IGSF5: variants seen among roughly 807,000 people sequenced by gnomAD.
IGSF5 encodes the protein immunoglobulin superfamily 5 like.
Under a neutral mutation model 39.4 loss-of-function variants are expected in IGSF5, and 41 were observed. The ratio of observed to expected loss-of-function variants is 1.04; its 90% CI spans 0.81 to 1.35. The LOEUF is 1.35. Among genes scored for constraint, IGSF5 ranks in the 40% most tolerant of loss-of-function variants. The probability of loss-of-function intolerance (pLI) is 0.00; values close to 1 mark genes in which losing one functional copy is unlikely to be tolerated. For synonymous variants in IGSF5, 183 were observed against 175.3 expected, an observed-to-expected ratio of 1.04 and a Z score of -0.34; for missense variants, 487 against 494.6, an observed-to-expected ratio of 0.98 and a Z score of 0.15.
chr21:39,776,140 C>G (rs1285822877), intron 4 of IGSF5, among the ~76,000 whole-genome samples: 1 of 151,938 alleles, frequency 6.6e-6, no homozygotes, highest in Admixed American at 6.6e-5. Flanking sequence ...TAAATGCACT[C>G]TTTTTAAAAA....
At chr21:39,722,961 A>ATTATT in the IGSF5 span, among the ~76,000 whole-genome samples, 1 of 152,266 alleles carries the variant, frequency 6.6e-6, no homozygotes, top group Non-Finnish European at 1.5e-5. Context: ...GGTAGATAGT[A>ATTATT]TTATTAACCT....
At chr21:39,776,675 GCT>G (rs1299855387) in intron 4 of IGSF5, among the ~76,000 whole-genome samples, 1 of 152,128 alleles carries the variant, frequency 6.6e-6, no homozygotes, top group Non-Finnish European at 1.5e-5. Flanking sequence ...ATTAAGGCAG[GCT>G]CTCTCTGGGC....
chr21:39,742,324 A>G (rs1428866023), upstream of IGSF5, among the ~76,000 whole-genome samples: 1 of 152,236 alleles, frequency 6.6e-6, no homozygotes, highest in Non-Finnish European at 1.5e-5. Flanking sequence ...TGGAAGAAGT[A>G]TCTAGTGACT....
the IGSF5 span, among the ~76,000 whole-genome samples, chr21:39,739,864 C>T: frequency 1.3e-3 from 191 of 152,206 alleles, 1 homozygote; most frequent in African/African-American, 4.5e-3. Context: ...ACAAACTTAA[C>T]AAGGAGGTTA....
At chr21:39,784,073 C>T (rs1405729032) in intron 5 of IGSF5, among the ~76,000 whole-genome samples, 1 of 152,182 alleles carries the variant, frequency 6.6e-6, no homozygotes, top group Admixed American at 6.5e-5. Flanking sequence ...TCTGGGTTCT[C>T]AGTATTGTTC....
intron 5 of IGSF5, among the ~76,000 whole-genome samples, chr21:39,781,381 A>G (rs1028910485): frequency 6.6e-6 from 1 of 152,158 alleles, no homozygotes; most frequent in Non-Finnish European, 1.5e-5. Flanking sequence ...CCATTCTCCA[A>G]TATATAAGCA....
At chr21:39,714,462 G>T in the IGSF5 span, among the ~76,000 whole-genome samples, 1 of 152,168 alleles carries the variant, frequency 6.6e-6, no homozygotes, top group Non-Finnish European at 1.5e-5. Context: ...TCTATACATG[G>T]TGTATTTGTT....
rs750194049 is a variant in IGSF5, at chr21:39,771,081, A to G, written c.584A>G (p.Asp195Gly). 2.5e-6 allele frequency: 4 copies of G among 1,613,540 alleles called. No individual in the cohort carries two copies. The highest frequency in any genetic ancestry group is 3.4e-6 in the Non-Finnish European group (4 of 1,179,828). ...SSYYFVPEPS[D>G]LQSAVSILAL... ...TATTATTTTGTTCCGGAGCCCAGCGACCTTCAAAGTGCAGTGAGCATCCTG... is the reference window on the plus strand; with the variant it reads ...TATTATTTTGTTCCGGAGCCCAGCGGCCTTCAAAGTGCAGTGAGCATCCTG... The change falls in exon 4 of 9, where the codon GAC becomes GGC. Residue 195 changes from aspartate to glycine, a missense_variant. Physicochemically the swap from Asp to Gly is moderately conservative, Grantham distance 94. Coordinates refer to ENST00000380588, the MANE Select transcript of IGSF5 (RefSeq NM_001080444.2).
chr21:39,763,982 ACTTT>A (rs945681287), intron 2 of IGSF5, among the ~76,000 whole-genome samples: 1 of 152,024 alleles, frequency 6.6e-6, no homozygotes, highest in African/African-American at 2.4e-5. Flanking sequence ...TTAGAGTCAT[ACTTT>A]CTTTCTGTTT....
the IGSF5 span, among the ~76,000 whole-genome samples, chr21:39,717,972 G>T: frequency 6.6e-6 from 1 of 152,144 alleles, no homozygotes; most frequent in African/African-American, 2.4e-5. Flanking sequence ...TAATCCATGA[G>T]CATGCAGTGT....
intron 2 of IGSF5, among the ~76,000 whole-genome samples, chr21:39,754,247 C>A (rs1319728061): frequency 6.6e-6 from 1 of 152,176 alleles, no homozygotes; most frequent in Non-Finnish European, 1.5e-5. Context: ...ATTTATGAAG[C>A]TTAGTTTTGC....
chr21:39,742,125 G>T (rs2079951133), upstream of IGSF5, among the ~76,000 whole-genome samples: 2 of 151,658 alleles, frequency 1.3e-5, no homozygotes, highest in African/African-American at 4.8e-5. Context: ...TCCTTCTGTT[G>T]CCCAGACTTC....
chr21:39,790,587 G>A (rs1488365257), intron 6 of IGSF5, among the ~76,000 whole-genome samples: 3 of 151,420 alleles, frequency 2.0e-5, no homozygotes, highest in Non-Finnish European at 1.5e-5. Context: ...GAGCCCAGGA[G>A]GCAGAAGTTA....
chr21:39,800,955 C>A (rs540150674), intron 8 of IGSF5, among the ~76,000 whole-genome samples: 2 of 152,266 alleles, frequency 1.3e-5, no homozygotes, highest in Non-Finnish European at 2.9e-5. Context: ...AAAAATCTAG[C>A]CAGTAAAGCA....
chr21:39,765,561 G>T lies in IGSF5; in HGVS notation c.127G>T (p.Glu43Ter). 6.2e-7 allele frequency: 1 copy of T among 1,613,832 alleles called. No homozygotes were observed. The highest frequency in any genetic ancestry group is 8.5e-7 in the Non-Finnish European group (1 of 1,179,766). The change falls in exon 3 of 9, where the codon GAA (glutamate) becomes TAA (stop). Residue 43 changes from glutamate to a stop codon, truncating the protein, a stop_gained. Transcript: ENST00000380588. LOFTEE classifies it high-confidence loss of function. Reference sequence around the variant, plus strand: ...TTCTGGGTCTGGTAATGAAGTCATAGAAGGCCCCCAAAATGCAAGAGTCCT... The same window carrying T: ...TTCTGGGTCTGGTAATGAAGTCATATAAGGCCCCCAAAATGCAAGAGTCCT... Reference protein sequence around the residue: ...DGSGSGNEVIEGPQNARVLKG... With the variant: ...DGSGSGNEVI
upstream of IGSF5, among the ~76,000 whole-genome samples, chr21:39,741,884 G>A (rs2146265934): frequency 6.6e-6 from 1 of 152,196 alleles, no homozygotes; most frequent in Non-Finnish European, 1.5e-5. Flanking sequence ...TGATAATCCT[G>A]AGATCTTGCA....
intron 5 of IGSF5, among the ~76,000 whole-genome samples, chr21:39,781,738 C>T (rs946955750): frequency 6.6e-6 from 1 of 152,196 alleles, no homozygotes; most frequent in Non-Finnish European, 1.5e-5. Flanking sequence ...TGAGGTTGAA[C>T]TACTGTTCCA....
chr21:39,727,461 G>T, the IGSF5 span, among the ~76,000 whole-genome samples: 1 of 152,212 alleles, frequency 6.6e-6, no homozygotes. Context: ...GTGCTTCCAA[G>T]TCTGGGGATA....
intron 3 of IGSF5, among the ~76,000 whole-genome samples, chr21:39,767,510 C>G (rs917839575): frequency 7.2e-5 from 11 of 152,162 alleles, no homozygotes; most frequent in African/African-American, 1.7e-4. Context: ...GTGTCCTCAT[C>G]ATAGGGCTGC....
Sources: allele counts gnomAD v4.1 joint callset (sites outside exome capture counted in the v4.1 genomes callset), GRCh38; gene constraint gnomAD v4.1.1; transcripts MANE v1.5; gene names NCBI Gene and HGNC (gene_info 2026-07-23, HGNC 2026-07-21).